Variants in FLYWCH1 observed in about 807,000 individuals in gnomAD.
FLYWCH1 encodes FLYWCH-type zinc finger 1.
A neutral mutation model predicts 66.4 loss-of-function variants in FLYWCH1; 75 were observed. The ratio of observed to expected loss-of-function variants is 1.13; its 90% CI spans 0.94 to 1.37. FLYWCH1 has a LOEUF of 1.37. Among genes scored for constraint, FLYWCH1 ranks in the 40% most tolerant of loss-of-function variants. The pLI, the probability that FLYWCH1 is intolerant of heterozygous loss-of-function variation, is 0.00. For synonymous variants in FLYWCH1, 595 were observed against 429.9 expected, an observed-to-expected ratio of 1.38 and a Z score of -4.75; for missense variants, 1,334 against 1,001.8, an observed-to-expected ratio of 1.33 and a Z score of -4.48.
chr16:2,914,916 A>AG (rs1182817483), intron 2 of FLYWCH1, among the ~76,000 whole-genome samples: 1 of 151,222 alleles, frequency 6.6e-6, no homozygotes, highest in African/African-American at 2.4e-5. Flanking sequence ...CTCAAAAAAA[A>AG]AAAAAAAAAA....
chr16:2,934,919 CTTTTT>C (rs59963690), intron 6 of FLYWCH1: 12 of 144,848 alleles, frequency 8.3e-5, no homozygotes, highest in South Asian at 7.2e-4. Context: ...CTTGCACAGG[CTTTTT>C]TTTTTTTTTT....
chr16:2,925,702 G>A (rs1366357507), intron 2 of FLYWCH1, among the ~76,000 whole-genome samples: 7 of 152,146 alleles, frequency 4.6e-5, no homozygotes. Context: ...GGCGGCATGA[G>A]TAGGCCCAGA....
chr16:2,921,724 C>T (rs538789676), intron 2 of FLYWCH1, among the ~76,000 whole-genome samples: 33 of 149,642 alleles, frequency 2.2e-4, no homozygotes, highest in South Asian at 6.4e-4. Flanking sequence ...CACCACACTC[C>T]GGTTTAGGCT....
In FLYWCH1 at chr16:2,922,099, GAT is replaced by G. The variant is rs533529818; in HGVS notation, c.-73-7512_-73-7511del. Among the ~76,000 whole-genome samples, 12 of 152,240 alleles carry G rather than the reference GAT, an allele frequency of 7.9e-5. No individual in the cohort carries two copies. In the East Asian group the frequency reaches 2.3e-3, roughly 29 times the overall value. On this transcript the variant is annotated intron_variant, in intron 2 of 9. Transcript: ENST00000253928. ...TCTTAAATGGGTACATTTTGAATCAGATAAAAATCATATTCTGAATCATGGCG... is the reference window on the plus strand; with the variant it reads ...TCTTAAATGGGTACATTTTGAATCAGAAAAATCATATTCTGAATCATGGCG...
At chr16:2,937,948 AG>A (rs1176648955) in intron 7 of FLYWCH1, among the ~76,000 whole-genome samples, 1 of 152,134 alleles carries the variant, frequency 6.6e-6, no homozygotes, top group East Asian at 1.9e-4. Context: ...AGGAGCATTC[AG>A]GGTCCAGTGC....
chr16:2,934,485 G>A, intron 6 of FLYWCH1: 1 of 365,542 alleles, frequency 2.7e-6, no homozygotes, highest in South Asian at 2.0e-5. Flanking sequence ...TATCCACACG[G>A]TCGGCCCCCC....
intron 2 of FLYWCH1, among the ~76,000 whole-genome samples, chr16:2,920,294 G>C (rs1004382553): frequency 6.6e-6 from 1 of 152,040 alleles, no homozygotes; most frequent in African/African-American, 2.4e-5. Flanking sequence ...TAGGTAACTA[G>C]AGGCCAGGAG....
At chr16:2,931,173 C>T (rs1038390448) in intron 4 of FLYWCH1, among the ~76,000 whole-genome samples, 26 of 151,652 alleles carry the variant, frequency 1.7e-4, no homozygotes, top group East Asian at 1.6e-3. Context: ...CATGCTGGTG[C>T]GCACCTGTAA....
In FLYWCH1 at chr16:2,930,765, G is replaced by A; in HGVS notation, c.681G>A (p.Glu227=). 6.3e-7 allele frequency: 1 copy of A among 1,577,784 alleles called. No homozygotes were observed. The highest frequency in any genetic ancestry group is 8.6e-7 in the Non-Finnish European group (1 of 1,167,278). ...EGVGPWQCPE[E]PEPTPGLVLS... is the part of the protein sequence containing the mutation. ...TGGGCCCGTGGCAGTGCCCTGAGGA[G>A]CCCGAGCCCACTCCTGGGCTGGTGC... The change falls in exon 4 of 10, where the codon GAG becomes GAA. Residue 227 remains glutamate (E), a synonymous_variant. Transcript: ENST00000253928.
At chr16:2,925,574 C>CGGGGGG (rs1367590910) in intron 2 of FLYWCH1, among the ~76,000 whole-genome samples, 1 of 16,816 alleles carries the variant, frequency 5.9e-5, no homozygotes, top group Non-Finnish European at 8.9e-5. Flanking sequence ...GGGGGAGTTG[C>CGGGGGG]GGGGGGAGGG....
chr16:2,920,186 G>A (rs981801604), intron 2 of FLYWCH1, among the ~76,000 whole-genome samples: 1 of 152,030 alleles, frequency 6.6e-6, no homozygotes, highest in Non-Finnish European at 1.5e-5. Context: ...AACATATAAT[G>A]CATGCCACCC....
Position 2,938,461 on chromosome 16 carries a change from A to C in FLYWCH1, c.2050+5A>C. ...CGGCCCAGCAGGAGGACCCAGGTAC[A>C]GGCAGGCTGTGGGGCAGAGGCAGGG... On this transcript the variant is annotated splice_donor_5th_base_variant and intron_variant, in intron 8 of 9. Transcript: ENST00000253928. The C allele has an allele frequency of 6.6e-7, 1 of 1,518,496 alleles. No individual in the cohort carries two copies. The highest frequency in any genetic ancestry group is 8.8e-7 in the Non-Finnish European group (1 of 1,135,212). The allele number at this position is 1,518,496 out of a possible 1,614,324, so 94.1% of individuals were successfully genotyped here. A position where few individuals can be genotyped will look rare whatever the true frequency, so the allele number is the denominator to read the frequency against.
intron 2 of FLYWCH1, among the ~76,000 whole-genome samples, chr16:2,918,655 G>A (rs926928455): frequency 2.0e-4 from 30 of 148,992 alleles, no homozygotes; most frequent in Middle Eastern, 3.5e-3. Context: ...TAGTCAGGCT[G>A]GTCTCAAACT....
chr16:2,922,004 A>C (rs1230988510), intron 2 of FLYWCH1, among the ~76,000 whole-genome samples: 1 of 152,228 alleles, frequency 6.6e-6, no homozygotes, highest in African/African-American at 2.4e-5. Flanking sequence ...CAGAGGTTGC[A>C]ATGAACTGAG....
chr16:2,920,839 C>G (rs556482160), intron 2 of FLYWCH1, among the ~76,000 whole-genome samples: 1 of 99,112 alleles, frequency 1.0e-5, no homozygotes, highest in African/African-American at 3.7e-5. Flanking sequence ...CAACGCCTGG[C>G]CTTTTTTTTT....
At chr16:2,920,749 C>T (rs1280186142) in intron 2 of FLYWCH1, among the ~76,000 whole-genome samples, 3 of 150,736 alleles carry the variant, frequency 2.0e-5, no homozygotes, top group East Asian at 1.9e-4. Context: ...CCATGTTGGT[C>T]GGGCTGGTCT....
chr16:2,947,578 T>C (rs1218538001), intron 9 of FLYWCH1, among the ~76,000 whole-genome samples: 1 of 151,778 alleles, frequency 6.6e-6, no homozygotes, highest in Non-Finnish European at 1.5e-5. Context: ...CTGGCCAACA[T>C]GGTGAAACCC....
chr16:2,938,077 G>A lies in FLYWCH1; in HGVS notation c.1778-107G>A, dbSNP rs2071092161. The A allele has an allele frequency of 7.2e-6, 8 of 1,114,792 alleles. No individual in the cohort carries two copies. The Admixed American group carries it at 9.6e-5, about 13-fold the overall frequency. 69.1% of individuals were successfully genotyped at this position (1,114,792 alleles called of 1,614,324 possible). A position where few individuals can be genotyped will look rare whatever the true frequency, so the allele number is the denominator to read the frequency against. The stretch of plus-strand genomic sequence containing the variant: ...CAGGGACCACCGTGCAGCGTGCTAG[G>A]GGATCGCAGATTCCTGGTGGGGCCT... On this transcript the variant is annotated intron_variant, in intron 7 of 9. Transcript: ENST00000253928.
At chr16:2,938,010 C>A (rs2071089105) in intron 7 of FLYWCH1, among the ~76,000 whole-genome samples, 174 bp from the exon 8 acceptor site, 1 of 152,152 alleles carries the variant, frequency 6.6e-6, no homozygotes, top group South Asian at 2.1e-4. Flanking sequence ...AAGGGCCAGC[C>A]AGCGTGGGAG....
Sources: allele counts gnomAD v4.1 joint callset (sites outside exome capture counted in the v4.1 genomes callset), GRCh38; gene constraint gnomAD v4.1.1; transcripts MANE v1.5; gene names NCBI Gene and HGNC (gene_info 2026-07-23, HGNC 2026-07-21).